The following ARHGAP20 variants were observed in gnomAD, a reference collection of about 807,000 sequenced individuals.
ARHGAP20 encodes Rho GTPase activating protein 20.
A neutral mutation model predicts 73.7 loss-of-function variants in ARHGAP20; 34 were observed. That is an observed-to-expected ratio of 0.46 (90% CI 0.35 to 0.61). ARHGAP20 has a LOEUF of 0.61. Among genes scored for constraint, ARHGAP20 ranks in the 20% least tolerant of loss-of-function variants. The pLI is 0.00. For missense variants in ARHGAP20, 1,314 were observed against 1,420.9 expected, an observed-to-expected ratio of 0.92 and a Z score of 1.21; for synonymous variants, 523 against 518.2, an observed-to-expected ratio of 1.01 and a Z score of -0.13.
At chr11:110,629,862 C>G (rs1364240969) in intron 3 of ARHGAP20, among the ~76,000 whole-genome samples, 1 of 152,168 alleles carries the variant, frequency 6.6e-6, no homozygotes, top group African/African-American at 2.4e-5. Flanking sequence ...TGAGGGCTCT[C>G]GTGAAGGCTT....
At chr11:110,589,518 C>T (rs2134821901) in intron 11 of ARHGAP20, 2 of 985,428 alleles carry the variant, frequency 2.0e-6, no homozygotes, top group Middle Eastern at 5.2e-4. Flanking sequence ...CAGGCTGGGG[C>T]CTTGTCTCGA....
intron 2 of ARHGAP20, among the ~76,000 whole-genome samples, chr11:110,641,030 A>G (rs372899277): frequency 1.2e-4 from 18 of 152,224 alleles, no homozygotes; most frequent in African/African-American, 4.1e-4. Flanking sequence ...GCTTGGTAAG[A>G]TAGGTGGACA....
chr11:110,705,324 G>A (rs927300302), intron 1 of ARHGAP20, among the ~76,000 whole-genome samples: 11 of 152,000 alleles, frequency 7.2e-5, no homozygotes, highest in African/African-American at 1.9e-4. Context: ...TTGTCCTGCC[G>A]CCCTTTCGCC....
chr11:110,609,156 C>G (rs1948307848), intron 7 of ARHGAP20, 106 bp from the exon 8 acceptor site: 2 of 900,218 alleles, frequency 2.2e-6, no homozygotes, highest in Non-Finnish European at 3.5e-6. Flanking sequence ...CTGCCCCCTA[C>G]CCAGTGATAG....
intron 2 of ARHGAP20, among the ~76,000 whole-genome samples, chr11:110,636,030 C>A (rs1296729126): frequency 6.6e-6 from 1 of 152,056 alleles, no homozygotes; most frequent in Admixed American, 6.6e-5. Context: ...GAAAAATCAT[C>A]TTTTGCATTT....
At chr11:110,695,415 A>G (rs529438547) in intron 1 of ARHGAP20, among the ~76,000 whole-genome samples, 1 of 151,780 alleles carries the variant, frequency 6.6e-6, no homozygotes, top group South Asian at 2.1e-4. Context: ...CAGAATGGGA[A>G]AGCTTTTATT....
chr11:110,589,652 G>A (rs1947770694), intron 11 of ARHGAP20: 2 of 985,414 alleles, frequency 2.0e-6, no homozygotes, highest in African/African-American at 1.7e-5. Context: ...TTCCAAAAAT[G>A]TAGAGCATTT....
intron 3 of ARHGAP20, among the ~76,000 whole-genome samples, chr11:110,625,187 G>A (rs368790679): frequency 1.1e-4 from 17 of 150,148 alleles, no homozygotes; most frequent in East Asian, 3.9e-4. Flanking sequence ...ACAGGCGCCC[G>A]CCACCGCGCC....
chr11:110,698,314 C>T (rs35947689), intron 1 of ARHGAP20, among the ~76,000 whole-genome samples: 22,714 of 151,624 alleles, frequency 0.15, 1,803 homozygotes, highest in South Asian at 0.29. Flanking sequence ...CTATTGGATT[C>T]GGTTTGCTAG....
chr11:110,647,019 T>C (rs1294329017), intron 2 of ARHGAP20, among the ~76,000 whole-genome samples: 2 of 152,150 alleles, frequency 1.3e-5, no homozygotes, highest in Non-Finnish European at 2.9e-5. Flanking sequence ...TACTGGAGGC[T>C]TTTTGCAATG....
intron 2 of ARHGAP20, among the ~76,000 whole-genome samples, chr11:110,686,181 A>G (rs1950128214): frequency 1.3e-5 from 2 of 152,168 alleles, no homozygotes; most frequent in South Asian, 4.1e-4. Context: ...AAGCTCATTA[A>G]TAATTCAAAA....
At chr11:110,638,106 C>G (rs932032169) in intron 2 of ARHGAP20, among the ~76,000 whole-genome samples, 3 of 151,952 alleles carry the variant, frequency 2.0e-5, no homozygotes, top group African/African-American at 4.8e-5. Flanking sequence ...ATCCAAAATA[C>G]AAAATGCTCC....
At chr11:110,589,287 T>C in intron 11 of ARHGAP20, 2 of 531,644 alleles carry the variant, frequency 3.8e-6, no homozygotes, top group Non-Finnish European at 4.8e-6. Flanking sequence ...GAGGTGACCT[T>C]AGCTTCAACC....
intron 11 of ARHGAP20, chr11:110,589,580 G>A: frequency 8.1e-6 from 8 of 985,416 alleles, no homozygotes; most frequent in Non-Finnish European, 9.6e-6. Context: ...CCTGACACAG[G>A]TCTGCAGAAG....
rs532744277 is a variant in ARHGAP20, at chr11:110,579,731, T to C, written c.3215A>G (p.Glu1072Gly). The C allele has an allele frequency of 5.0e-6, 8 of 1,614,050 alleles. No homozygotes were observed. Among genetic ancestry groups the C allele is most frequent in the Non-Finnish European group, 6.8e-6 (8 of 1,179,992 alleles). ...EKIASPKGPL[E>G]PPPHASGVPE... ...AACACCAGAAGCATGTGGGGGTGGC[T>C]CTAAGGGTCCTTTTGGAGAAGCTAT... is the stretch of plus-strand genomic sequence containing the variant. Residue 1072 changes from glutamate (E) to glycine (G), a missense_variant, in exon 15 of 15, where the codon GAG becomes GGG. Coordinates refer to ENST00000683387, the MANE Select transcript of ARHGAP20 (RefSeq NM_001384657.1).
intron 6 of ARHGAP20, among the ~76,000 whole-genome samples, chr11:110,614,087 A>T (rs775299537): frequency 6.6e-6 from 1 of 152,114 alleles, no homozygotes; most frequent in Non-Finnish European, 1.5e-5. Flanking sequence ...CTATTAACCT[A>T]AGGGATTCAA....
chr11:110,665,217 A>T (rs555457595), intron 2 of ARHGAP20, among the ~76,000 whole-genome samples: 117 of 152,336 alleles, frequency 7.7e-4, no homozygotes, highest in African/African-American at 2.7e-3. Flanking sequence ...ACAGTGTTTT[A>T]AAAAGTTGAG....
intron 4 of ARHGAP20, 48 bp from the exon 5 acceptor site, chr11:110,615,642 A>C (rs1161737034): frequency 6.6e-7 from 1 of 1,513,962 alleles, no homozygotes; most frequent in African/African-American, 1.4e-5. Context: ...CATAAAATAC[A>C]AATGCTAACA....
intron 1 of ARHGAP20, among the ~76,000 whole-genome samples, chr11:110,709,078 A>C (rs1381262474): frequency 4.6e-5 from 7 of 152,088 alleles, no homozygotes; most frequent in Non-Finnish European, 1.0e-4. Flanking sequence ...CACCACAGAG[A>C]CTCACCACTT....
Sources: gnomAD v4.1 joint callset for allele counts (sites outside exome capture counted in the v4.1 genomes callset) on GRCh38, gnomAD v4.1.1 for gene constraint, MANE v1.5 for transcripts, NCBI Gene and HGNC (gene_info 2026-07-23, HGNC 2026-07-21) for gene names.